Variants in HFM1 observed in about 807,000 individuals in gnomAD.
The protein encoded by HFM1 is probable ATP-dependent DNA helicase HFM1.
In HFM1, 169 loss-of-function variants were observed where a neutral mutation model predicts 192.1. That is an observed-to-expected ratio of 0.88 (90% CI 0.78 to 1.00). The LOEUF is 1.00. HFM1 is among the 50% of genes least tolerant of loss of function. The pLI is 0.00. For synonymous variants in HFM1, 525 were observed against 537.8 expected (o/e 0.98, Z 0.33); for missense variants, 1,661 against 1,668.0 (o/e 1.00, Z 0.07).
rs772238850 is a variant in HFM1 at position 91,261,259 on chromosome 1, C to T, written c.*31G>A. On this transcript the variant is annotated 3_prime_UTR_variant, in exon 39 of 39. Transcript: ENST00000370425. ...TTGTGATTAGGTGTCTTTATTCTTT[C>T]TCTTATCAATATAAAAAGTATTTGT... 5.3e-6 allele frequency: 5 copies of T among 952,354 alleles called. No homozygotes were observed. Among genetic ancestry groups the T allele is most frequent in the Non-Finnish European group, 7.3e-6 (5 of 688,158 alleles). The allele number at this position is 952,354 out of a possible 1,614,324, so 59.0% of individuals were successfully genotyped here.
chr1:91,372,825 A>C (rs1660410286), intron 13 of HFM1, among the ~76,000 whole-genome samples: 1 of 152,218 alleles, frequency 6.6e-6, no homozygotes, highest in African/African-American at 2.4e-5. Context: ...CTTATTAGCA[A>C]TAATTTCACT....
chr1:91,385,643 G>A lies in HFM1; in HGVS notation c.686C>T (p.Ser229Phe). 2.5e-6 allele frequency: 4 copies of A among 1,612,772 alleles called. No individual in the cohort carries two copies. The highest frequency in any genetic ancestry group is 3.4e-6 in the Non-Finnish European group (4 of 1,178,878). Residue 229 changes from serine (S) to phenylalanine (F), a missense_variant, in exon 5 of 39, where the codon TCT becomes TTT. By Grantham distance (155) the Ser-to-Phe change is radical. Transcript: ENST00000370425. ...TTTGAACATGCCTTCTCCGATTTCA[G>A]AAGCAGAAAAAGCATTATTTGCTGT... Reference protein sequence around the residue: ...VFTANNAFSASEIGEGMFKAP... With the variant: ...VFTANNAFSAFEIGEGMFKAP...
At chr1:91,375,292 T>A (rs1660770431) in intron 13 of HFM1, 66 bp downstream of exon 13, 3 of 1,130,810 alleles carry the variant, frequency 2.7e-6, no homozygotes, top group Non-Finnish European at 3.9e-6. Context: ...CAAGCCTAAT[T>A]TTCTCATGTC....
At chr1:91,279,148 AT>A (rs1428887885) in intron 30 of HFM1, among the ~76,000 whole-genome samples, 2 of 152,160 alleles carry the variant, frequency 1.3e-5, no homozygotes, top group African/African-American at 4.8e-5. Context: ...AGATTCTGAA[AT>A]CCTATAATAA....
chr1:91,361,450 T>C (rs746751971), intron 13 of HFM1, among the ~76,000 whole-genome samples: 32 of 152,022 alleles, frequency 2.1e-4, no homozygotes, highest in Non-Finnish European at 4.3e-4. Context: ...CTAGAAAATC[T>C]AGAAGAAATG....
At chr1:91,374,173 C>A (rs142971670) in intron 13 of HFM1, among the ~76,000 whole-genome samples, 5 of 152,192 alleles carry the variant, frequency 3.3e-5, no homozygotes, top group East Asian at 1.9e-4. Flanking sequence ...GGTGTATTCA[C>A]AGAACACAGA....
Position 91,353,134 on chromosome 1 carries a change from G to A in HFM1, c.1748C>T (p.Ala583Val), listed in dbSNP as rs1170817099. 9.3e-6 allele frequency: 15 copies of A among 1,609,428 alleles called. No homozygotes were observed. Among genetic ancestry groups the A allele is most frequent in the Non-Finnish European group, 1.2e-5 (14 of 1,176,672 alleles). ...CTCCATACCAGCATGATGATAAGCA[G>A]CACCATCTTTTAAGATATCTGTAAT... Reference protein sequence around the residue: ...SKLRDILKDGAAYHHAGMELS... With the variant: ...SKLRDILKDGVAYHHAGMELS... Residue 583 changes from alanine (A) to valine (V), a missense_variant, in exon 15 of 39, where the codon GCT becomes GTT. Transcript: ENST00000370425.
rs572956753 is a variant in HFM1, at chr1:91,379,149, C to T, written c.1072G>A (p.Gly358Arg). The stretch of plus-strand genomic sequence containing the variant: ...CCAGTAAGTTCTTTACAATTCAATC[C>T]TATTGGTCCAAATTTTTCTTTCCAG... ...DDWKEKFGPI[G>R]LNCKELTGDT... The change falls in exon 9 of 39, where the codon GGA becomes AGA. Residue 358 changes from glycine (G) to arginine (R), a missense_variant. Transcript: ENST00000370425. 6.2e-7 allele frequency: 1 copy of T among 1,608,678 alleles called. No homozygotes were observed. The highest frequency in any genetic ancestry group is 8.5e-7 in the Non-Finnish European group (1 of 1,176,814).
At chr1:91,366,271 T>G (rs1238324313) in intron 13 of HFM1, among the ~76,000 whole-genome samples, 1 of 152,250 alleles carries the variant, frequency 6.6e-6, no homozygotes, top group African/African-American at 2.4e-5. Flanking sequence ...ATGTTTATTA[T>G]GTATTCACCT....
At chr1:91,392,143 T>C (rs568261647) in intron 4 of HFM1, among the ~76,000 whole-genome samples, 15 of 152,200 alleles carry the variant, frequency 9.9e-5, no homozygotes, top group East Asian at 3.9e-4. Context: ...TTTTACACTG[T>C]TGGTGGGACT....
At chr1:91,395,542 C>T (rs1663556311) in intron 3 of HFM1, among the ~76,000 whole-genome samples, 2 of 152,032 alleles carry the variant, frequency 1.3e-5, no homozygotes, top group Middle Eastern at 3.4e-3. Flanking sequence ...CACTATGTTG[C>T]CCAGGCTGGA....
At chr1:91,328,437 G>C in intron 20 of HFM1, 4 of 1,610,646 alleles carry the variant, frequency 2.5e-6, no homozygotes, top group Admixed American at 3.3e-5. Flanking sequence ...GTGCCACCCG[G>C]GAGAATGACA....
At position 91,319,194 on chromosome 1, in the gene HFM1, A is replaced by T. The variant is rs1225730965; in HGVS notation, c.2696T>A (p.Val899Glu). 2.5e-6 allele frequency: 4 copies of T among 1,606,396 alleles called. No homozygotes were observed. Among genetic ancestry groups the T allele is most frequent in the Non-Finnish European group, 3.4e-6 (4 of 1,177,894 alleles). ...AGCAAACTTCTTTTCTTGAGCAGCT[A>T]CAAAATCTGACAACCCTAAAAAAAA... ...SRITRWLSDF[V>E]AAQEKKFAVL... is the part of the protein sequence containing the mutation. The change falls in exon 25 of 39, where the codon GTA (valine) becomes GAA (glutamate). Residue 899 changes from valine to glutamate, a missense_variant. By Grantham distance (121) the Val-to-Glu change is moderately radical. Coordinates refer to ENST00000370425, the MANE Select transcript of HFM1 (RefSeq NM_001017975.6).
chr1:91,373,012 T>C (rs879683226), intron 13 of HFM1, among the ~76,000 whole-genome samples: 5 of 152,146 alleles, frequency 3.3e-5, no homozygotes, highest in African/African-American at 1.2e-4. Context: ...TTTTTTCATA[T>C]GGTAGTAACT....
intron 20 of HFM1, among the ~76,000 whole-genome samples, chr1:91,335,764 G>A (rs953519493): frequency 1.3e-5 from 2 of 152,056 alleles, no homozygotes; most frequent in African/African-American, 4.8e-5. Context: ...ACCTCCTACT[G>A]CAAGACGTGT....
intron 17 of HFM1, 144 bp from the exon 18 acceptor site, chr1:91,351,015 C>A: frequency 1.5e-6 from 1 of 646,532 alleles, no homozygotes; most frequent in Admixed American, 3.5e-5. Context: ...AAAAGAAAAC[C>A]TTAAAAAGTC....
chr1:91,297,101 C>G (rs1320720037), intron 30 of HFM1, among the ~76,000 whole-genome samples: 2 of 152,208 alleles, frequency 1.3e-5, no homozygotes, highest in African/African-American at 2.4e-5. Flanking sequence ...CCTAATACTG[C>G]ACTTTTCTAA....
intron 20 of HFM1, among the ~76,000 whole-genome samples, chr1:91,343,117 G>A (rs545290138): frequency 4.7e-5 from 7 of 150,180 alleles, no homozygotes; most frequent in Admixed American, 2.0e-4. Context: ...TGTAGTCCCA[G>A]CTACTCGGGA....
intron 36 of HFM1, among the ~76,000 whole-genome samples, chr1:91,265,186 G>C (rs909925281): frequency 1.3e-5 from 2 of 152,054 alleles, no homozygotes; most frequent in Non-Finnish European, 1.5e-5. Flanking sequence ...AAATATTTTG[G>C]ATGGTTTCTC....
Sources: gnomAD v4.1 joint callset for allele counts (sites outside exome capture counted in the v4.1 genomes callset) on GRCh38, gnomAD v4.1.1 for gene constraint, MANE v1.5 for transcripts, NCBI Gene and HGNC (gene_info 2026-07-23, HGNC 2026-07-21) for gene names.